The following WWC1 variants were observed in gnomAD, a reference collection of about 807,000 sequenced individuals.
WWC1 encodes the protein WW and C2 domain containing 1.
Under a neutral mutation model 138.4 loss-of-function variants are expected in WWC1, and 55 were observed. The ratio of observed to expected loss-of-function variants is 0.40; its 90% CI spans 0.32 to 0.50. The LOEUF is 0.50. Among genes scored for constraint, WWC1 ranks in the 20% least tolerant of loss-of-function variants. The pLI, the probability that WWC1 is intolerant of heterozygous loss-of-function variation, is 0.72. For missense variants in WWC1, 1,226 were observed against 1,420.4 expected (o/e 0.86, Z 2.20); for synonymous variants, 524 against 564.9 (o/e 0.93, Z 1.03).
intron 1 of WWC1, among the ~76,000 whole-genome samples, chr5:168,305,812 A>G (rs929515459): frequency 6.6e-6 from 1 of 152,132 alleles, no homozygotes; most frequent in Non-Finnish European, 1.5e-5. Flanking sequence ...CCCACCCCCA[A>G]AGATTCTGGT....
At chr5:168,331,222 C>A (rs1019480590) in intron 1 of WWC1, among the ~76,000 whole-genome samples, 4 of 152,100 alleles carry the variant, frequency 2.6e-5, no homozygotes, top group African/African-American at 9.7e-5. Flanking sequence ...GAAAGGAGTC[C>A]AAGATACATG....
In WWC1 at chr5:168,471,257, A is replaced by T. The variant is rs1188136499; in HGVS notation, c.*2240A>T. 1 of 152,724 alleles carries T rather than the reference A, an allele frequency of 6.5e-6. No individual in the cohort carries two copies. Among genetic ancestry groups the T allele is most frequent in the Non-Finnish European group, 1.5e-5 (1 of 68,542 alleles). The allele number at this position is 152,724 out of a possible 1,614,324, so 9.5% of individuals were successfully genotyped here. A position where few individuals can be genotyped will look rare whatever the true frequency, so the allele number is the denominator to read the frequency against. On this transcript the variant is annotated 3_prime_UTR_variant, in exon 23 of 23. Coordinates refer to ENST00000265293, the MANE Select transcript of WWC1 (RefSeq NM_015238.3). Reference sequence around the variant, plus strand: ...CCCTGTGGCTTCCAGGCCCCCCTGTATAGCTGCTATCCAGCCCGATTTCTC... The same window carrying T: ...CCCTGTGGCTTCCAGGCCCCCCTGTTTAGCTGCTATCCAGCCCGATTTCTC...
intron 3 of WWC1, among the ~76,000 whole-genome samples, chr5:168,396,121 C>A (rs770909692): frequency 6.6e-6 from 1 of 151,722 alleles, no homozygotes; most frequent in Non-Finnish European, 1.5e-5. Context: ...CGGTGGCTCA[C>A]GCCTGTAATC....
intron 5 of WWC1, among the ~76,000 whole-genome samples, chr5:168,402,954 A>C (rs924300066): frequency 3.3e-5 from 5 of 151,388 alleles, no homozygotes; most frequent in African/African-American, 1.2e-4. Flanking sequence ...ACCACATGTA[A>C]TTTCCCCTAT....
chr5:168,316,221 G>A (rs1771578755), intron 1 of WWC1, among the ~76,000 whole-genome samples: 1 of 152,206 alleles, frequency 6.6e-6, no homozygotes, highest in Non-Finnish European at 1.5e-5. Flanking sequence ...TGACCCAACA[G>A]AAATCAAACA....
chr5:168,414,607 A>T lies in WWC1; in HGVS notation c.1184+17A>T, dbSNP rs551916403. On this transcript the variant is annotated intron_variant, in intron 9 of 22. Transcript: ENST00000265293. ...GACGGAGAGGTGGGGCTGGGGCCCC[A>T]GGGTGTGTAGGACCCTTCTCTCACT... The T allele has an allele frequency of 1.9e-6, 3 of 1,544,964 alleles. No individual in the cohort carries two copies.
chr5:168,320,839 A>G (rs960730482), intron 1 of WWC1, among the ~76,000 whole-genome samples: 5 of 152,096 alleles, frequency 3.3e-5, no homozygotes, highest in Non-Finnish European at 5.9e-5. Flanking sequence ...CCCTCCTGGA[A>G]CTTGGCATGT....
intron 1 of WWC1, among the ~76,000 whole-genome samples, chr5:168,364,337 C>T (rs1776118624): frequency 6.6e-6 from 1 of 152,190 alleles, no homozygotes; most frequent in Admixed American, 6.5e-5. Flanking sequence ...TGACTACACC[C>T]CATTGCTGCA....
intron 17 of WWC1, among the ~76,000 whole-genome samples, chr5:168,450,079 A>T (rs1421076211): frequency 6.6e-6 from 1 of 152,216 alleles, no homozygotes; most frequent in Non-Finnish European, 1.5e-5. Context: ...AGCTAGCTGG[A>T]TGTCAGATTC....
chr5:168,409,832 A>G lies in WWC1; in HGVS notation c.868-90A>G, dbSNP rs976422095. On this transcript the variant is annotated intron_variant, in intron 7 of 22. Coordinates refer to ENST00000265293, the MANE Select transcript of WWC1 (RefSeq NM_015238.3). ...GGCTATTCTTGGCTACTGCCCACGCAAGCTGTCAAGTCTCTCATGAGCCCT... is the reference window on the plus strand; with the variant it reads ...GGCTATTCTTGGCTACTGCCCACGCGAGCTGTCAAGTCTCTCATGAGCCCT... 1.9e-5 allele frequency: 25 copies of G among 1,346,676 alleles called. No individual in the cohort carries two copies. The African/African-American group carries it at 3.2e-4, about 17-fold the overall frequency. The allele number at this position is 1,346,676 out of a possible 1,614,324, so 83.4% of individuals were successfully genotyped here.
chr5:168,303,263 A>G (rs1345950745), intron 1 of WWC1, among the ~76,000 whole-genome samples: 1 of 152,218 alleles, frequency 6.6e-6, no homozygotes, highest in Admixed American at 6.5e-5. Flanking sequence ...AAGCCTGACC[A>G]GTAGCAAAAT....
intron 1 of WWC1, among the ~76,000 whole-genome samples, chr5:168,326,035 C>T (rs139007662): frequency 2.6e-5 from 4 of 152,190 alleles, no homozygotes; most frequent in African/African-American, 4.8e-5. Context: ...GTTGATATCA[C>T]ATTTTGCTTT....
chr5:168,333,497 A>C (rs886856513), intron 1 of WWC1, among the ~76,000 whole-genome samples: 1 of 152,202 alleles, frequency 6.6e-6, no homozygotes, highest in Non-Finnish European at 1.5e-5. Flanking sequence ...TTCTTCTCCC[A>C]GACAAGATCT....
intron 3 of WWC1, among the ~76,000 whole-genome samples, chr5:168,391,730 A>AGG (rs1254890398): frequency 1.3e-5 from 1 of 79,470 alleles, no homozygotes; most frequent in Non-Finnish European, 2.5e-5. Flanking sequence ...CTGCAAAACT[A>AGG]GGAGTATCAG....
chr5:168,386,478 C>T (rs1318767630), intron 3 of WWC1, among the ~76,000 whole-genome samples: 2 of 151,690 alleles, frequency 1.3e-5, no homozygotes, highest in Non-Finnish European at 2.9e-5. Flanking sequence ...CTGCAAGCTC[C>T]GCCTCCTGGG....
chr5:168,319,718 C>T (rs1771901285), intron 1 of WWC1, among the ~76,000 whole-genome samples: 1 of 152,128 alleles, frequency 6.6e-6, no homozygotes, highest in Non-Finnish European at 1.5e-5. Context: ...TCAGGCTGGT[C>T]TTGAACTCCT....
intron 1 of WWC1, among the ~76,000 whole-genome samples, chr5:168,330,895 G>A (rs1028205463): frequency 6.6e-6 from 1 of 152,192 alleles, no homozygotes; most frequent in African/African-American, 2.4e-5. Context: ...TCTACAACCA[G>A]TCCTTCCCCT....
rs1756733444 is a variant in WWC1 at position 168,460,758 on chromosome 5, C to G, written c.2916+16C>G. The G allele has an allele frequency of 1.2e-6, 2 of 1,613,728 alleles. No individual in the cohort carries two copies. The highest frequency in any genetic ancestry group is 1.7e-6 in the Non-Finnish European group (2 of 1,179,792). On this transcript the variant is annotated intron_variant, in intron 20 of 22. Coordinates refer to ENST00000265293, the MANE Select transcript of WWC1 (RefSeq NM_015238.3). ...GATGAAGCGGGTAAGAGAGTCACCTCAAAGCTATTTTTCTGCCTGCTCCTC... is the reference window on the plus strand; with the variant it reads ...GATGAAGCGGGTAAGAGAGTCACCTGAAAGCTATTTTTCTGCCTGCTCCTC...
intron 7 of WWC1, among the ~76,000 whole-genome samples, chr5:168,409,602 C>T (rs1248177069): frequency 6.6e-6 from 1 of 152,230 alleles, no homozygotes; most frequent in African/African-American, 2.4e-5. Flanking sequence ...GTTTCCTCCT[C>T]ACCAACTGTC....
Sources: allele counts gnomAD v4.1 joint callset (sites outside exome capture counted in the v4.1 genomes callset), GRCh38; gene constraint gnomAD v4.1.1; transcripts MANE v1.5; gene names NCBI Gene and HGNC (gene_info 2026-07-23, HGNC 2026-07-21).